The following SP6 variants were observed in gnomAD, a reference collection of about 807,000 sequenced individuals.
SP6 encodes the protein transcription factor Sp6.
SP6 carries 10 observed loss-of-function variants against 23.4 expected under a neutral mutation model. That is an observed-to-expected ratio of 0.43 (90% confidence interval 0.26 to 0.72). SP6 has a LOEUF of 0.72. SP6 is among the 30% of genes least tolerant of loss of function. The pLI, the probability that SP6 is intolerant of heterozygous loss-of-function variation, is 0.23. For synonymous variants in SP6, 238 were observed against 238.7 expected (o/e 1.00, Z 0.03); for missense variants, 482 against 523.8 (o/e 0.92, Z 0.78).
the SP6 span, among the ~76,000 whole-genome samples, chr17:47,861,281 G>T: frequency 8.5e-5 from 13 of 152,288 alleles, no homozygotes; most frequent in Non-Finnish European, 1.6e-4. Context: ...CGGGGTGGGG[G>T]CCTGTCTGGA....
chr17:47,851,887 C>A (rs1364568919), upstream of SP6, among the ~76,000 whole-genome samples: 1 of 151,800 alleles, frequency 6.6e-6, no homozygotes, highest in Non-Finnish European at 1.5e-5. Flanking sequence ...GTCTCTGCTT[C>A]CCCCCTACTC....
At chr17:47,869,153 A>ATGCCACTC in the SP6 span, among the ~76,000 whole-genome samples, 4 of 152,064 alleles carry the variant, frequency 2.6e-5, no homozygotes, top group Non-Finnish European at 5.9e-5. Flanking sequence ...CTCCCAATAA[A>ATGCCACTC]CTAATGCCCC....
the SP6 span, among the ~76,000 whole-genome samples, chr17:47,867,083 G>A: frequency 4.7e-4 from 71 of 152,336 alleles, no homozygotes; most frequent in African/African-American, 1.4e-3. Flanking sequence ...CACACCCATC[G>A]CTGACGTACT....
At chr17:47,865,259 G>T in the SP6 span, 1 of 152,342 alleles carries the variant, frequency 6.6e-6, no homozygotes, top group African/African-American at 2.4e-5. Flanking sequence ...AACATTAGGG[G>T]AGGGGACCCA....
the SP6 span, among the ~76,000 whole-genome samples, chr17:47,865,436 A>G: frequency 6.6e-6 from 1 of 152,104 alleles, no homozygotes; most frequent in Non-Finnish European, 1.5e-5. Context: ...TCCAACCACC[A>G]GGACCGAAAG....
upstream of SP6, among the ~76,000 whole-genome samples, chr17:47,853,306 C>T (rs149036956): frequency 1.3e-5 from 2 of 152,336 alleles, no homozygotes; most frequent in Middle Eastern, 3.4e-3. Context: ...TCTTCATCAA[C>T]GCAGCTTTGT....
Position 47,847,502 on chromosome 17 carries a change from C to G in SP6, c.928G>C (p.Gly310Arg), listed in dbSNP as rs752843805. 1.1e-4 allele frequency: 178 copies of G among 1,613,644 alleles called. 2 individuals carry two copies. The highest frequency in any genetic ancestry group is 1.5e-4 in the Non-Finnish European group (174 of 1,179,956). Residue 310 changes from glycine to arginine, a missense_variant, in exon 2 of 2, where the codon GGC (glycine) becomes CGC (arginine). Gly to Arg is a moderately radical substitution (Grantham distance 125, BLOSUM62 -2). Coordinates refer to ENST00000536300, the MANE Select transcript of SP6 (RefSeq NM_001258248.2). ...ACTGCACAGGGGAACTTCTTGGTGC[C>G]GGTGTGGGTCTGGAGGTGGCGCTGC... ...ELQRHLQTHT[G>R]TKKFPCAVCS...
the SP6 span, among the ~76,000 whole-genome samples, chr17:47,870,699 T>A: frequency 6.6e-5 from 10 of 152,236 alleles, no homozygotes; most frequent in East Asian, 1.9e-3. Flanking sequence ...GTCCTTGACA[T>A]AGGGTATCCA....
At chr17:47,857,173 C>G (rs948544393), upstream of SP6, among the ~76,000 whole-genome samples, 1 of 152,102 alleles carries the variant, frequency 6.6e-6, no homozygotes, top group African/African-American at 2.4e-5. Context: ...GCACAACCCC[C>G]TGGGGGAACC....
chr17:47,863,267 A>G, the SP6 span: 2 of 152,240 alleles, frequency 1.3e-5, no homozygotes, highest in African/African-American at 4.8e-5. Flanking sequence ...GATATTTTTA[A>G]GCTCCTTCCC....
upstream of SP6, chr17:47,855,861 G>A (rs957557736): frequency 4.6e-5 from 7 of 152,268 alleles, no homozygotes; most frequent in African/African-American, 1.4e-4. Context: ...GTGGTAGGAG[G>A]TGAGATCTGA....
rs985518864 is a variant in SP6 at position 47,845,279 on chromosome 17, C to T, written c.*2020G>A. The T allele has an allele frequency of 3.3e-5, 5 of 152,286 alleles. No homozygotes were observed. Among genetic ancestry groups the T allele is most frequent in the Middle Eastern group, 3.4e-3 (1 of 294 alleles). The allele number at this position is 152,286 out of a possible 1,614,324, so 9.4% of individuals were successfully genotyped here. On this transcript the variant is annotated 3_prime_UTR_variant, in exon 2 of 2. Coordinates refer to ENST00000536300, the MANE Select transcript of SP6 (RefSeq NM_001258248.2). ...GGAGGAGAAAGGCATCTTACACCCA[C>T]GGTGCCCTTCCTCTTTCCCCCTCTC...
the SP6 span, among the ~76,000 whole-genome samples, chr17:47,873,884 CTCT>C: frequency 0.16 from 23,425 of 148,520 alleles, 2,486 homozygotes; most frequent in Non-Finnish European, 0.23. Flanking sequence ...CCTCCCCCTC[CTCT>C]TCTTCTTCCT....
At chr17:47,870,070 G>A in the SP6 span, among the ~76,000 whole-genome samples, 3 of 152,148 alleles carry the variant, frequency 2.0e-5, no homozygotes, top group African/African-American at 7.2e-5. Context: ...TGTGTGTGTA[G>A]GGGGAAGAAA....
intron 1 of SP6, among the ~76,000 whole-genome samples, chr17:47,849,105 G>A (rs564514922): frequency 2.0e-5 from 3 of 152,140 alleles, no homozygotes; most frequent in East Asian, 1.9e-4. Context: ...CCACTAAACC[G>A]ACTCACATGC....
rs773574671 is a variant in SP6 at position 47,848,253 on chromosome 17, C to T, written c.177G>A (p.Pro59=). ...PGELQSLPLG[P]EVDFSQGYEL... ...CATAGCCCTGCGAGAAGTCCACCTC[C>T]GGGCCCAGCGGGAGGCTCTGCAGCT... is the stretch of plus-strand genomic sequence containing the variant. Residue 59 remains proline, a synonymous_variant, in exon 2 of 2, where the codon CCG becomes CCA. Transcript: ENST00000536300. This position sits in a 1 kb window ranked among gnomAD's most constrained non-coding sequence, Gnocchi z 5.3. 1 of 1,611,790 alleles carries T rather than the reference C, an allele frequency of 6.2e-7. No homozygotes were observed. Among genetic ancestry groups the T allele is most frequent in the East Asian group, 2.2e-5 (1 of 44,846 alleles).
chr17:47,866,723 C>G, the SP6 span, among the ~76,000 whole-genome samples: 4 of 152,172 alleles, frequency 2.6e-5, no homozygotes, highest in African/African-American at 9.7e-5. Flanking sequence ...CCACCCAACC[C>G]GCTGATCGGC....
chr17:47,867,136 A>C, the SP6 span, among the ~76,000 whole-genome samples: 1 of 152,162 alleles, frequency 6.6e-6, no homozygotes, highest in Non-Finnish European at 1.5e-5. Flanking sequence ...ACCCCGTCTT[A>C]TCGCGCTGCC....
chr17:47,845,852 C>G lies in SP6; in HGVS notation c.*1447G>C, dbSNP rs1011441389. The G allele has an allele frequency of 1.3e-5, 2 of 152,192 alleles. No individual in the cohort carries two copies. The highest frequency in any genetic ancestry group is 4.8e-5 in the African/African-American group (2 of 41,414). 9.4% of individuals were successfully genotyped at this position (152,192 alleles called of 1,614,324 possible). A position where few individuals can be genotyped will look rare whatever the true frequency, so the allele number is the denominator to read the frequency against. Reference sequence around the variant, plus strand: ...GAGGGGTGTCAGAGGGACTGTAAGGCCCCTCTCTTGAGTGTGGGAAAGCCC... The same window carrying G: ...GAGGGGTGTCAGAGGGACTGTAAGGGCCCTCTCTTGAGTGTGGGAAAGCCC... On this transcript the variant is annotated 3_prime_UTR_variant, in exon 2 of 2. Coordinates refer to ENST00000536300, the MANE Select transcript of SP6 (RefSeq NM_001258248.2).
Sources: allele counts gnomAD v4.1 joint callset (sites outside exome capture counted in the v4.1 genomes callset), GRCh38; gene constraint gnomAD v4.1.1; non-coding constraint Gnocchi (gnomAD v3.1); transcripts MANE v1.5; gene names NCBI Gene and HGNC (gene_info 2026-07-23, HGNC 2026-07-21).